The following ZFAND3 variants were observed in gnomAD, a reference collection of about 807,000 sequenced individuals.
ZFAND3 encodes AN1-type zinc finger protein 3.
ZFAND3 carries 10 observed loss-of-function variants against 29.6 expected under a neutral mutation model. The ratio of observed to expected loss-of-function variants is 0.34; its 90% CI spans 0.21 to 0.57. The LOEUF is 0.57. Among genes scored for constraint, ZFAND3 ranks in the 20% least tolerant of loss-of-function variants. The pLI is 0.86. For missense variants in ZFAND3, 230 were observed against 304.5 expected (o/e 0.76, Z 1.82); for synonymous variants, 128 against 112.6 (o/e 1.14, Z -0.87).
At chr6:37,996,400 C>T (rs1762850329) in intron 2 of ZFAND3, among the ~76,000 whole-genome samples, 1 of 152,052 alleles carries the variant, frequency 6.6e-6, no homozygotes, top group African/African-American at 2.4e-5. Context: ...GTATAAGTGT[C>T]CTCAATTTAA....
intron 2 of ZFAND3, among the ~76,000 whole-genome samples, chr6:37,954,953 T>C (rs1323135915): frequency 6.6e-6 from 1 of 152,222 alleles, no homozygotes; most frequent in Non-Finnish European, 1.5e-5. Context: ...CAGGTATAGT[T>C]ACCTCTAACC....
At chr6:38,127,423 T>G (rs1032937428) in intron 5 of ZFAND3, among the ~76,000 whole-genome samples, 1 of 152,212 alleles carries the variant, frequency 6.6e-6, no homozygotes, top group Non-Finnish European at 1.5e-5. Context: ...GCATATTCCC[T>G]GTGTTGATAG....
intron 4 of ZFAND3, among the ~76,000 whole-genome samples, chr6:38,110,183 T>G (rs1765286382): frequency 1.3e-5 from 2 of 152,210 alleles, no homozygotes; most frequent in Non-Finnish European, 2.9e-5. Context: ...ATAATCAGCC[T>G]CTTGAACCTT....
intron 1 of ZFAND3, among the ~76,000 whole-genome samples, chr6:37,928,664 G>A (rs1416999395): frequency 6.6e-6 from 1 of 152,070 alleles, no homozygotes; most frequent in Non-Finnish European, 1.5e-5. Context: ...ACAGACGTGT[G>A]CCACCTCTCC....
At chr6:37,981,795 A>T (rs74347124) in intron 2 of ZFAND3, among the ~76,000 whole-genome samples, 1 of 152,230 alleles carries the variant, frequency 6.6e-6, no homozygotes, top group African/African-American at 2.4e-5. Context: ...AGGGTTAAGG[A>T]TGCACCTGTT....
intron 2 of ZFAND3, among the ~76,000 whole-genome samples, chr6:38,009,991 A>G (rs188348698): frequency 1.3e-5 from 2 of 152,342 alleles, no homozygotes; most frequent in South Asian, 2.1e-4. Flanking sequence ...TTAAATTCCT[A>G]TGGCATATTT....
rs530986906 is a variant in ZFAND3, at chr6:37,920,601, A to G, written c.72-9358A>G. ...AAATGCTAAAACCACTGCTAATTAC[A>G]GTAACCCACTTGGAATCTAAATTGT... On this transcript the variant is annotated intron_variant, in intron 1 of 5. Transcript: ENST00000287218. Among the ~76,000 whole-genome samples the G allele has an allele frequency of 3.3e-5, 5 of 152,358 alleles. No homozygotes were observed. In the South Asian group the frequency reaches 8.3e-4, roughly 25 times the overall value.
chr6:37,946,753 A>G (rs997167259), intron 2 of ZFAND3, among the ~76,000 whole-genome samples: 1 of 152,224 alleles, frequency 6.6e-6, no homozygotes, highest in Admixed American at 6.5e-5. Context: ...CCTTGACAAC[A>G]TTATGCTAAG....
intron 1 of ZFAND3, among the ~76,000 whole-genome samples, chr6:37,924,166 G>A (rs561745578): frequency 1.3e-5 from 2 of 152,242 alleles, no homozygotes; most frequent in South Asian, 2.1e-4. Context: ...AGATACATAG[G>A]ATGACGTTAT....
At chr6:37,956,741 A>T (rs1286959305) in intron 2 of ZFAND3, among the ~76,000 whole-genome samples, 1 of 152,136 alleles carries the variant, frequency 6.6e-6, no homozygotes, top group African/African-American at 2.4e-5. Flanking sequence ...ATTTCTAAGG[A>T]GGTTCATGAA....
At chr6:37,937,637 G>C (rs1483799611) in intron 2 of ZFAND3, among the ~76,000 whole-genome samples, 1 of 121,414 alleles carries the variant, frequency 8.2e-6, no homozygotes, top group Non-Finnish European at 1.6e-5. Flanking sequence ...CCTAGCGACA[G>C]AGCGAGACTC....
intron 1 of ZFAND3, among the ~76,000 whole-genome samples, chr6:37,878,040 ACAG>A (rs2127390711): frequency 6.6e-6 from 1 of 152,356 alleles, no homozygotes; most frequent in Non-Finnish European, 1.5e-5. Context: ...ATGGTTGGTG[ACAG>A]CAGTAGTTGG....
chr6:38,141,218 A>G (rs1765947494), intron 5 of ZFAND3, among the ~76,000 whole-genome samples: 1 of 152,270 alleles, frequency 6.6e-6, no homozygotes, highest in Non-Finnish European at 1.5e-5. Context: ...GGGTGAAAAC[A>G]TAGATTGTTT....
chr6:38,060,315 T>G (rs1025494029), intron 2 of ZFAND3, among the ~76,000 whole-genome samples: 1 of 152,190 alleles, frequency 6.6e-6, no homozygotes, highest in East Asian at 1.9e-4. Context: ...TGACTTAAAG[T>G]GTACATATTC....
chr6:38,006,637 A>G (rs1028714758), intron 2 of ZFAND3, among the ~76,000 whole-genome samples: 3 of 147,010 alleles, frequency 2.0e-5, no homozygotes, highest in African/African-American at 7.5e-5. Flanking sequence ...TGCTAAGCCT[A>G]CGGAGGTGAG....
At chr6:37,896,666 TTG>T (rs201522673) in intron 1 of ZFAND3, among the ~76,000 whole-genome samples, 103 of 139,066 alleles carry the variant, frequency 7.4e-4, no homozygotes, top group African/African-American at 2.4e-3. Flanking sequence ...GCCTTCTGTT[TTG>T]TGTGTGTGTG....
chr6:37,868,988 T>A (rs1356981945), intron 1 of ZFAND3, among the ~76,000 whole-genome samples: 1 of 152,218 alleles, frequency 6.6e-6, no homozygotes, highest in Non-Finnish European at 1.5e-5. Context: ...GATAACAAAT[T>A]CAGTTAGTAG....
At chr6:37,864,772 T>C (rs1055192300) in intron 1 of ZFAND3, among the ~76,000 whole-genome samples, 59 of 126,346 alleles carry the variant, frequency 4.7e-4, no homozygotes, top group African/African-American at 1.1e-3. Context: ...CACACACACA[T>C]GCACACATAC....
intron 1 of ZFAND3, among the ~76,000 whole-genome samples, chr6:37,896,514 T>TTTCCTTTCTTTCTTTC (rs1554153804): frequency 9.2e-6 from 1 of 109,100 alleles, no homozygotes; most frequent in Non-Finnish European, 1.9e-5. Context: ...TTCCTCTTTC[T>TTTCCTTTCTTTCTTTC]TTTCTTTCTT....
Sources: allele counts gnomAD v4.1 joint callset (sites outside exome capture counted in the v4.1 genomes callset), GRCh38; gene constraint gnomAD v4.1.1; transcripts MANE v1.5; gene names NCBI Gene and HGNC (gene_info 2026-07-23, HGNC 2026-07-21).